The following SLC1A6 variants were observed in gnomAD, a reference collection of about 807,000 sequenced individuals.
SLC1A6 encodes excitatory amino acid transporter 4.
In SLC1A6, 15 loss-of-function variants were observed where a neutral mutation model predicts 42.1. That is an observed-to-expected ratio of 0.36 (90% CI 0.24 to 0.55). The LOEUF (loss-of-function observed/expected upper bound fraction) is 0.55, where lower values mean the gene tolerates loss of function less well. Among genes scored for constraint, SLC1A6 ranks in the 20% least tolerant of loss-of-function variants. The pLI, the probability that SLC1A6 is intolerant of heterozygous loss-of-function variation, is 0.88. For missense variants in SLC1A6, 542 were observed against 772.5 expected, an observed-to-expected ratio of 0.70 and a Z score of 3.54; for synonymous variants, 317 against 319.7, an observed-to-expected ratio of 0.99 and a Z score of 0.09.
chr19:14,982,162 A>G (rs1253919654), upstream of SLC1A6, among the ~76,000 whole-genome samples: 1 of 152,216 alleles, frequency 6.6e-6, no homozygotes, highest in African/African-American at 2.4e-5. Flanking sequence ...GTAATGTGAG[A>G]TCCTAGAAAA....
chr19:14,970,823 C>T lies in SLC1A6; in HGVS notation c.343+914G>A, dbSNP rs183933502. On this transcript the variant is annotated intron_variant, in intron 3 of 9. Transcript: ENST00000594383. ...CAATAGTAGGCTATTAGTAGTTAAG[C>T]TTTTCGGGAGTCAAAAGTTACATGT... is the stretch of plus-strand genomic sequence containing the variant. Among the ~76,000 whole-genome samples, 418 of 151,466 alleles carry T rather than the reference C, an allele frequency of 2.8e-3. 5 individuals are homozygous for T. The highest frequency in any genetic ancestry group is 9.7e-3 in the African/African-American group (400 of 41,344).
intron 6 of SLC1A6, among the ~76,000 whole-genome samples, chr19:14,958,530 G>A (rs909165655): frequency 6.6e-6 from 1 of 152,250 alleles, no homozygotes; most frequent in East Asian, 1.9e-4. Context: ...GGATGCACGG[G>A]GCTTCTCCAG....
At chr19:14,987,359 C>T (rs1227011591) in intron 1 of SLC1A6, among the ~76,000 whole-genome samples, 2 of 151,780 alleles carry the variant, frequency 1.3e-5, no homozygotes, top group South Asian at 2.1e-4. Context: ...CCCAGCTACT[C>T]GGGAGGCTGA....
At chr19:14,965,235 G>T (rs2045560742) in intron 4 of SLC1A6, among the ~76,000 whole-genome samples, 1 of 151,898 alleles carries the variant, frequency 6.6e-6, no homozygotes, top group South Asian at 2.1e-4. Context: ...TAGGCAGGAT[G>T]GTCTCAATCT....
intron 1 of SLC1A6, among the ~76,000 whole-genome samples, chr19:15,005,259 C>CA (rs59367163): frequency 0.25 from 22,966 of 90,806 alleles, 2,315 homozygotes; most frequent in East Asian, 0.31. Flanking sequence ...GACCCTGTCT[C>CA]AAAAAAAAAA....
chr19:14,977,425 G>A (rs1548544), intron 1 of SLC1A6: 109,977 of 152,074 alleles, frequency 0.72, 40,111 homozygotes, highest in African/African-American at 0.82. Context: ...AGCTCAAAAT[G>A]TTTACTCTTG....
At chr19:15,000,017 C>T (rs1453327532) in intron 1 of SLC1A6, among the ~76,000 whole-genome samples, 1 of 140,384 alleles carries the variant, frequency 7.1e-6, no homozygotes, top group Non-Finnish European at 1.5e-5. Flanking sequence ...CCACAACAGG[C>T]CCCGGTGTGT....
chr19:14,993,751 AG>A (rs2045832002), intron 1 of SLC1A6, among the ~76,000 whole-genome samples: 1 of 152,230 alleles, frequency 6.6e-6, no homozygotes, highest in Non-Finnish European at 1.5e-5. Context: ...GAAAAGAGTC[AG>A]GGGCTGGAGG....
intron 1 of SLC1A6, among the ~76,000 whole-genome samples, chr19:14,994,441 C>T (rs2045835265): frequency 1.3e-5 from 2 of 152,130 alleles, no homozygotes. Flanking sequence ...GACTGCTCCA[C>T]GTAACTGCAT....
At chr19:14,951,903 C>T (rs887744775) in intron 9 of SLC1A6, among the ~76,000 whole-genome samples, 3 of 152,042 alleles carry the variant, frequency 2.0e-5, no homozygotes, top group African/African-American at 7.2e-5. Context: ...CAGCCTCAAC[C>T]TCCCAGGTTC....
chr19:14,964,111 G>A, intron 5 of SLC1A6: 1 of 541,464 alleles, frequency 1.8e-6, no homozygotes, highest in Admixed American at 3.0e-5. Flanking sequence ...TTACAAGCCT[G>A]ATCCACCATT....
At chr19:15,005,976 G>A (rs376535668) in intron 1 of SLC1A6, among the ~76,000 whole-genome samples, 10 of 152,174 alleles carry the variant, frequency 6.6e-5, no homozygotes, top group Non-Finnish European at 8.8e-5. Flanking sequence ...GAAGGTGGAC[G>A]TACTTCATGA....
chr19:14,988,962 T>C lies in SLC1A6; in HGVS notation c.7-16045A>G, dbSNP rs977847682. Reference sequence around the variant, plus strand: ...TGAACTGAGGAGCTCAAGGCTGCAGTGAGCCATGATCGTGCCACTGCACTC... The same window carrying C: ...TGAACTGAGGAGCTCAAGGCTGCAGCGAGCCATGATCGTGCCACTGCACTC... On this transcript the variant is annotated intron_variant, in intron 1 of 8. Transcript: ENST00000430939. 4.6e-5 allele frequency among the ~76,000 whole-genome samples: 7 copies of C among 152,268 alleles called. 1 individual carries two copies. Among genetic ancestry groups the C allele is most frequent in the Admixed American group, 3.9e-4 (6 of 15,290 alleles).
chr19:14,955,424 C>A (rs1468630327), intron 7 of SLC1A6, among the ~76,000 whole-genome samples: 2 of 149,954 alleles, frequency 1.3e-5, no homozygotes, highest in East Asian at 3.9e-4. Flanking sequence ...CTACCAAAAA[C>A]AACAACAACA....
At chr19:14,975,881 G>GGAC (rs149220879) in intron 1 of SLC1A6, among the ~76,000 whole-genome samples, 19 of 136,338 alleles carry the variant, frequency 1.4e-4, no homozygotes, top group Admixed American at 2.2e-4. Context: ...AAAGGGAAGG[G>GGAC]AAGGGAAGGG....
rs1183959764 is a variant in SLC1A6 at position 14,979,016 on chromosome 19, TC to T, written c.-8+292del. 1.4e-5 allele frequency among the ~76,000 whole-genome samples: 2 copies of T among 143,012 alleles called. No individual in the cohort carries two copies. The highest frequency in any genetic ancestry group is 1.4e-4 in the Admixed American group (2 of 14,142). 93.8% of individuals were successfully genotyped at this position (143,012 alleles called of 152,430 possible). ...TCCACACACCTGTTCAGGACGGCGATCCCACTCACAAATTCAGTCTCTCTCT... is the reference window on the plus strand; with the variant it reads ...TCCACACACCTGTTCAGGACGGCGATCCACTCACAAATTCAGTCTCTCTCT... On this transcript the variant is annotated intron_variant, in intron 1 of 9. Transcript: ENST00000594383. The surrounding 1 kb of genome is among the most constrained non-coding windows in gnomAD (Gnocchi z 4.2).
intron 3 of SLC1A6, among the ~76,000 whole-genome samples, chr19:14,969,922 T>C (rs2045618467): frequency 6.6e-6 from 1 of 152,084 alleles, no homozygotes; most frequent in Non-Finnish European, 1.5e-5. Context: ...CGAGTACACT[T>C]ATGCATGGAG....
intron 3 of SLC1A6, among the ~76,000 whole-genome samples, chr19:14,971,142 C>G (rs2045635687): frequency 6.6e-6 from 1 of 152,114 alleles, no homozygotes; most frequent in South Asian, 2.1e-4. Flanking sequence ...CAAAAGAAAA[C>G]AAAACAGTTA....
intron 1 of SLC1A6, among the ~76,000 whole-genome samples, chr19:14,993,611 T>G (rs2045831295): frequency 6.6e-6 from 1 of 152,192 alleles, no homozygotes; most frequent in African/African-American, 2.4e-5. Flanking sequence ...GTTTGAGGCC[T>G]GCATGCAAGG....
Sources: allele counts gnomAD v4.1 joint callset (sites outside exome capture counted in the v4.1 genomes callset), GRCh38; gene constraint gnomAD v4.1.1; non-coding constraint Gnocchi (gnomAD v3.1); transcripts MANE v1.5; gene names NCBI Gene and HGNC (gene_info 2026-07-23, HGNC 2026-07-21).